Variants in FANCL observed in about 807,000 individuals in gnomAD.
The protein encoded by FANCL is E3 ubiquitin-protein ligase FANCL.
FANCL carries 69 observed loss-of-function variants against 59.4 expected under a neutral mutation model. That is an observed-to-expected ratio of 1.16 (90% CI 0.96 to 1.42). The LOEUF (loss-of-function observed/expected upper bound fraction) is 1.42, where lower values mean the gene tolerates loss of function less well. Ranked by LOEUF, FANCL falls within the 40% of genes most tolerant of loss-of-function variation. The pLI is 0.00. For synonymous variants in FANCL, 180 were observed against 147.1 expected (o/e 1.22, Z -1.62); for missense variants, 519 against 447.2 (o/e 1.16, Z -1.45).
intron 7 of FANCL, among the ~76,000 whole-genome samples, chr2:58,184,319 A>T (rs951046775): frequency 1.3e-5 from 2 of 152,098 alleles, no homozygotes; most frequent in African/African-American, 4.8e-5. Context: ...ATTATACTTT[A>T]TATCTCCATG....
rs141981852 is a variant in FANCL, at chr2:58,169,138, C to G, written c.541-3264G>C. ...GCCTCCTCAAGCAGGGGTCAAAAGA[C>G]AACTCATACAGGAGAGCTCCAGCTG... On this transcript the variant is annotated intron_variant, in intron 7 of 13. Transcript: ENST00000233741. Among the ~76,000 whole-genome samples the G allele has an allele frequency of 5.9e-5, 9 of 152,290 alleles. No homozygotes were observed. In the East Asian group the frequency reaches 1.5e-3, roughly 26 times the overall value.
At chr2:58,169,819 C>T (rs1317151764) in intron 7 of FANCL, among the ~76,000 whole-genome samples, 1 of 151,824 alleles carries the variant, frequency 6.6e-6, no homozygotes, top group Non-Finnish European at 1.5e-5. Flanking sequence ...TTAAGATCAA[C>T]TTAATGAAAT....
intron 1 of FANCL, among the ~76,000 whole-genome samples, chr2:58,233,576 A>G (rs1693763693): frequency 1.3e-5 from 2 of 152,066 alleles, no homozygotes; most frequent in Admixed American, 1.3e-4. Context: ...TTCAGCCAGA[A>G]GACAGGGTAC....
intron 5 of FANCL, among the ~76,000 whole-genome samples, chr2:58,207,287 ACT>A (rs1164368783): frequency 6.6e-6 from 1 of 152,088 alleles, no homozygotes; most frequent in Non-Finnish European, 1.5e-5. Flanking sequence ...CCAACACAAC[ACT>A]CTGTGATGAT....
At chr2:58,216,135 G>A (rs1691698311) in intron 5 of FANCL, among the ~76,000 whole-genome samples, 1 of 152,160 alleles carries the variant, frequency 6.6e-6, no homozygotes, top group African/African-American at 2.4e-5. Flanking sequence ...TACCAGGGGG[G>A]AAATCCCAAT....
chr2:58,172,742 A>G (rs1380642694), intron 7 of FANCL, among the ~76,000 whole-genome samples: 2 of 152,238 alleles, frequency 1.3e-5, no homozygotes, highest in Admixed American at 6.5e-5. Flanking sequence ...CTCCTCCTCC[A>G]AAGGAACACA....
intron 7 of FANCL, among the ~76,000 whole-genome samples, chr2:58,188,030 T>C (rs1405007425): frequency 6.6e-6 from 1 of 152,224 alleles, no homozygotes; most frequent in Admixed American, 6.5e-5. Context: ...TTTCCCTGTG[T>C]TTCTTCTAGA....
intron 13 of FANCL, 26 bp from the exon 14 acceptor site, chr2:58,159,826 A>G (rs925363019): frequency 1.9e-6 from 3 of 1,611,606 alleles, no homozygotes; most frequent in African/African-American, 1.3e-5. Context: ...ATATTTTAAC[A>G]AAGTTTGTGG....
At chr2:58,163,249 CT>C in intron 9 of FANCL, 175 bp from the exon 10 acceptor site, 1 of 740,260 alleles carries the variant, frequency 1.4e-6, no homozygotes, top group Non-Finnish European at 2.3e-6. Context: ...TTTAAAATAA[CT>C]ATCATTATTG....
At chr2:58,239,864 T>C (rs561624122) in intron 1 of FANCL, among the ~76,000 whole-genome samples, 3 of 152,328 alleles carry the variant, frequency 2.0e-5, no homozygotes, top group Admixed American at 1.3e-4. Context: ...ACTTGTACTG[T>C]ATATCCTTGC....
chr2:58,177,241 G>C (rs1186945301), intron 7 of FANCL, among the ~76,000 whole-genome samples: 4 of 151,988 alleles, frequency 2.6e-5, no homozygotes, highest in Admixed American at 6.6e-5. Flanking sequence ...CAGGGATCTA[G>C]GACTAGAAAT....
chr2:58,199,716 A>T (rs1689802275), intron 6 of FANCL, among the ~76,000 whole-genome samples: 3 of 152,136 alleles, frequency 2.0e-5, no homozygotes, highest in African/African-American at 7.2e-5. Context: ...CTATAATCCA[A>T]TTCTGATTCT....
At chr2:58,201,275 A>C (rs1380832889) in intron 6 of FANCL, among the ~76,000 whole-genome samples, 1 of 151,828 alleles carries the variant, frequency 6.6e-6, no homozygotes, top group Non-Finnish European at 1.5e-5. Context: ...GCTCCATATC[A>C]TATAGGAATA....
intron 5 of FANCL, among the ~76,000 whole-genome samples, chr2:58,217,743 T>C (rs939242502): frequency 6.6e-6 from 1 of 151,686 alleles, no homozygotes; most frequent in Non-Finnish European, 1.5e-5. Flanking sequence ...CACAATCATA[T>C]TGGGAGAATT....
At chr2:58,179,793 A>T (rs116020724) in intron 7 of FANCL, among the ~76,000 whole-genome samples, 2,186 of 152,280 alleles carry the variant, frequency 0.014, 69 homozygotes, top group African/African-American at 0.051. Context: ...TGAACAGGCA[A>T]TCTACATAAT....
At chr2:58,191,163 G>A (rs1165956166) in intron 7 of FANCL, among the ~76,000 whole-genome samples, 1 of 151,664 alleles carries the variant, frequency 6.6e-6, no homozygotes, top group Non-Finnish European at 1.5e-5. Flanking sequence ...TAGACATAGT[G>A]TATCAATTTA....
chr2:58,207,264 T>C (rs2105172714), intron 5 of FANCL, among the ~76,000 whole-genome samples: 1 of 152,266 alleles, frequency 6.6e-6, no homozygotes, highest in South Asian at 2.1e-4. Flanking sequence ...AACAACACTC[T>C]ATAAAGCAGT....
chr2:58,159,833 G>A lies in FANCL; in HGVS notation c.1093-33C>T. On this transcript the variant is annotated intron_variant, in intron 13 of 13. Coordinates refer to ENST00000233741, the MANE Select transcript of FANCL (RefSeq NM_018062.4). ...AAGAGAACATATTTTAACAAAGTTTGTGGACACTCTAAAAAATAAAATTGC... is the reference window on the plus strand; with the variant it reads ...AAGAGAACATATTTTAACAAAGTTTATGGACACTCTAAAAAATAAAATTGC... The A allele has an allele frequency of 2.5e-6, 4 of 1,610,140 alleles. No individual in the cohort carries two copies. The African/African-American group carries it at 5.3e-5, about 22-fold the overall frequency.
chr2:58,231,433 T>C (rs1693568579), intron 2 of FANCL, among the ~76,000 whole-genome samples: 2 of 152,210 alleles, frequency 1.3e-5, no homozygotes, highest in Non-Finnish European at 2.9e-5. Context: ...AGCTTAGAGA[T>C]CTGAGCCGGG....
Sources: gnomAD v4.1 joint callset for allele counts (sites outside exome capture counted in the v4.1 genomes callset) on GRCh38, gnomAD v4.1.1 for gene constraint, MANE v1.5 for transcripts, NCBI Gene and HGNC (gene_info 2026-07-23, HGNC 2026-07-21) for gene names.